ARIH2: variants seen among roughly 807,000 people sequenced by gnomAD.
ARIH2 encodes E3 ubiquitin-protein ligase ARIH2.
Under a neutral mutation model 79.8 loss-of-function variants are expected in ARIH2, and 12 were observed. The ratio of observed to expected loss-of-function variants is 0.15; its 90% CI spans 0.10 to 0.24. The LOEUF (loss-of-function observed/expected upper bound fraction) is 0.24, where lower values mean the gene tolerates loss of function less well. Ranked by LOEUF, ARIH2 falls within the 10% of genes least tolerant of loss-of-function variation. The pLI is 1.00. For synonymous variants in ARIH2, 224 were observed against 213.9 expected (o/e 1.05, Z -0.41); for missense variants, 301 against 618.3 (o/e 0.49, Z 5.44).
At chr3:48,929,056 A>G (rs1163733983) in intron 3 of ARIH2, among the ~76,000 whole-genome samples, 1 of 152,222 alleles carries the variant, frequency 6.6e-6, no homozygotes, top group Non-Finnish European at 1.5e-5. Context: ...TTGTTGATCA[A>G]TAGTTTTCTT....
chr3:48,964,093 C>A (rs2091542021), intron 4 of ARIH2, among the ~76,000 whole-genome samples: 2 of 151,818 alleles, frequency 1.3e-5, no homozygotes, highest in South Asian at 4.2e-4. Flanking sequence ...TGCAGTAGTG[C>A]AGTCTCTGCT....
intron 3 of ARIH2, among the ~76,000 whole-genome samples, chr3:48,929,964 A>T (rs758708968): frequency 2.0e-5 from 3 of 152,238 alleles, no homozygotes; most frequent in Non-Finnish European, 4.4e-5. Flanking sequence ...TAAGAGAAGG[A>T]AGAGAGTTGA....
chr3:48,957,548 A>G (rs1348607945), intron 3 of ARIH2, among the ~76,000 whole-genome samples: 2 of 152,176 alleles, frequency 1.3e-5, no homozygotes, highest in Non-Finnish European at 2.9e-5. Context: ...TAGGTGGCAT[A>G]GTATCTTTGC....
chr3:48,969,592 A>G (rs1206063824), intron 7 of ARIH2, among the ~76,000 whole-genome samples: 2 of 151,244 alleles, frequency 1.3e-5, no homozygotes, highest in African/African-American at 4.9e-5. Context: ...GGCTCAAGCA[A>G]TCCTCCCACC....
At position 48,967,201 on chromosome 3, in the gene ARIH2, C is replaced by A; in HGVS notation, c.464C>A (p.Ala155Asp). 6.2e-7 allele frequency: 1 copy of A among 1,614,196 alleles called. No individual in the cohort carries two copies. The change falls in exon 6 of 16, where the codon GCC becomes GAC. Residue 155 changes from alanine (A) to aspartate (D), a missense_variant. Coordinates refer to ENST00000356401, the MANE Select transcript of ARIH2 (RefSeq NM_006321.4). ...CGAAAGGAAAACCTACTCTCTCTGG[C>A]CTGTCAGCACCAGTTTTGCCGCAGC... The part of the protein sequence containing the change: ...FVRKENLLSL[A>D]CQHQFCRSCW...
At chr3:48,948,249 C>G (rs2089475542) in intron 3 of ARIH2, among the ~76,000 whole-genome samples, 1 of 152,012 alleles carries the variant, frequency 6.6e-6, no homozygotes, top group African/African-American at 2.4e-5. Flanking sequence ...GCGTGAGCCA[C>G]TGCGCCCGGC....
At chr3:48,934,652 G>T in intron 3 of ARIH2, 1 of 985,392 alleles carries the variant, frequency 1.0e-6, no homozygotes, top group Non-Finnish European at 1.2e-6. Flanking sequence ...CAGTGTTTTA[G>T]TCCAGAAGTC....
intron 1 of ARIH2, chr3:48,919,270 G>T: frequency 8.7e-7 from 1 of 1,150,226 alleles, no homozygotes; most frequent in Non-Finnish European, 1.1e-6. Context: ...GCACATCTAG[G>T]CCCTCTCTCC....
intron 2 of ARIH2, among the ~76,000 whole-genome samples, chr3:48,923,300 T>C (rs562866628): frequency 1.9e-4 from 29 of 151,672 alleles, no homozygotes; most frequent in Non-Finnish European, 3.4e-4. Flanking sequence ...ACTGAGAGAC[T>C]GAGGCAGGAG....
intron 7 of ARIH2, 110 bp from the exon 8 acceptor site, chr3:48,970,485 G>A (rs1398615072): frequency 8.2e-6 from 6 of 728,284 alleles, no homozygotes; most frequent in African/African-American, 1.7e-5. Context: ...TAGCCCCTTC[G>A]TATAAGTCAT....
intron 1 of ARIH2, chr3:48,922,354 A>T (rs987176557): frequency 6.6e-6 from 1 of 151,780 alleles, no homozygotes; most frequent in Non-Finnish European, 1.5e-5. Flanking sequence ...CCCAGGCTCA[A>T]GTGCAGTGGC....
intron 3 of ARIH2, among the ~76,000 whole-genome samples, chr3:48,947,458 G>A (rs200327079): frequency 8.3e-4 from 98 of 117,558 alleles, no homozygotes; most frequent in South Asian, 4.5e-3. Context: ...AAAAAAAAAA[G>A]GAAAAAAAAA....
At position 48,959,649 on chromosome 3, in the gene ARIH2, CAAAAAAA is replaced by C. The variant is rs71077758; in HGVS notation, c.256-1943_256-1937del. Among the ~76,000 whole-genome samples the C allele has an allele frequency of 6.0e-4, 30 of 50,104 alleles. No individual in the cohort carries two copies. The South Asian group carries it at 8.8e-3, about 15-fold the overall frequency. The allele number at this position is 50,104 out of a possible 152,430, so 32.9% of individuals were successfully genotyped here. On this transcript the variant is annotated intron_variant, in intron 3 of 15. Transcript: ENST00000356401. ...AAACCCCGTCTCTACTAAAAAATAC[CAAAAAAA>C]AAAAAAAAAAAAAAAAAAAGAAAAG...
intron 3 of ARIH2, among the ~76,000 whole-genome samples, chr3:48,948,699 C>T (rs1165366178): frequency 1.3e-5 from 2 of 152,182 alleles, no homozygotes; most frequent in Non-Finnish European, 2.9e-5. Flanking sequence ...TAAAAAATTC[C>T]CGTGTTCATT....
intron 2 of ARIH2, 99 bp downstream of exon 2, chr3:48,922,910 T>C (rs1480901003): frequency 2.6e-5 from 4 of 152,090 alleles, no homozygotes; most frequent in Non-Finnish European, 2.9e-5. Context: ...AAGAGTTTGT[T>C]AAAAGTCAAA....
chr3:48,955,713 G>A (rs2090496356), intron 3 of ARIH2, among the ~76,000 whole-genome samples: 1 of 152,064 alleles, frequency 6.6e-6, no homozygotes, highest in South Asian at 2.1e-4. Context: ...CTTTAATCTG[G>A]CTTAATATTG....
rs542153431 is a variant in ARIH2 at position 48,969,543 on chromosome 3, G to A, written c.660+888G>A. 8.7e-5 allele frequency among the ~76,000 whole-genome samples: 13 copies of A among 149,054 alleles called. No individual in the cohort carries two copies. In the East Asian group the frequency reaches 2.6e-3, roughly 29 times the overall value. On this transcript the variant is annotated intron_variant, in intron 7 of 15. Coordinates refer to ENST00000356401, the MANE Select transcript of ARIH2 (RefSeq NM_006321.4). ...ACTCTGTCATCCAGGCTGGAGTATA[G>A]AGGCACAAACATGGCTCACTGCAGC...
Position 48,983,201 on chromosome 3 carries a change from C to T in ARIH2, c.1413C>T (p.Asp471=). 1.9e-6 allele frequency: 3 copies of T among 1,614,250 alleles called. No homozygotes were observed. Among genetic ancestry groups the T allele is most frequent in the Non-Finnish European group, 2.5e-6 (3 of 1,180,040 alleles). ...CACACCTTGTTTCTCTGATGCAGGA[C>T]TTGGAGAACCAGATGCATATAGCGG... The part of the protein sequence containing the change: ...VERADSYDRG[D]LENQMHIAEQ... Residue 471 remains aspartate (D), a splice_region_variant and synonymous_variant, in exon 16 of 16, where the codon GAC becomes GAT. Transcript: ENST00000356401.
intron 4 of ARIH2, among the ~76,000 whole-genome samples, chr3:48,964,699 G>A (rs1438293359): frequency 6.6e-6 from 1 of 152,116 alleles, no homozygotes; most frequent in Non-Finnish European, 1.5e-5. Context: ...GTTCTTAAAT[G>A]TAGCATGATT....
Sources: gnomAD v4.1 joint callset for allele counts (sites outside exome capture counted in the v4.1 genomes callset) on GRCh38, gnomAD v4.1.1 for gene constraint, MANE v1.5 for transcripts, NCBI Gene and HGNC (gene_info 2026-07-23, HGNC 2026-07-21) for gene names.